TNFSF13B: variants seen among roughly 807,000 people sequenced by gnomAD.
TNFSF13B encodes the protein TNF superfamily member 13b.
TNFSF13B carries 8 observed loss-of-function variants against 29.1 expected under a neutral mutation model. The observed-to-expected ratio is 0.27, with a 90% CI of 0.16 to 0.50. The LOEUF (loss-of-function observed/expected upper bound fraction) is 0.50, where lower values mean the gene tolerates loss of function less well. Among genes scored for constraint, TNFSF13B ranks in the 20% least tolerant of loss-of-function variants. The pLI, the probability that TNFSF13B is intolerant of heterozygous loss-of-function variation, is 0.98. For missense variants in TNFSF13B, 248 were observed against 334.9 expected (o/e 0.74, Z 2.03); for synonymous variants, 125 against 130.8 (o/e 0.96, Z 0.30).
chr13:108,305,146 G>A (rs890918463), intron 5 of TNFSF13B, among the ~76,000 whole-genome samples: 1 of 152,074 alleles, frequency 6.6e-6, no homozygotes, highest in African/African-American at 2.4e-5. Context: ...GTAGCTTACT[G>A]TTGTATATGA....
chr13:108,305,700 T>C (rs1371267552), intron 5 of TNFSF13B, among the ~76,000 whole-genome samples: 1 of 152,100 alleles, frequency 6.6e-6, no homozygotes, highest in African/African-American at 2.4e-5. Context: ...TTCTTTTGCT[T>C]GTATTCTGTC....
chr13:108,303,927 A>C (rs1881699104), intron 5 of TNFSF13B, among the ~76,000 whole-genome samples: 1 of 152,308 alleles, frequency 6.6e-6, no homozygotes, highest in South Asian at 2.1e-4. Context: ...AAAAATTCTA[A>C]TGTATTTTCT....
intron 3 of TNFSF13B, among the ~76,000 whole-genome samples, chr13:108,299,110 T>C (rs1271393470): frequency 6.8e-6 from 1 of 146,450 alleles, no homozygotes; most frequent in African/African-American, 2.6e-5. Context: ...GTTCTTTAAA[T>C]CTTTTACATA....
intron 2 of TNFSF13B, among the ~76,000 whole-genome samples, chr13:108,273,846 C>T (rs377688078): frequency 2.6e-5 from 4 of 152,044 alleles, no homozygotes; most frequent in African/African-American, 9.7e-5. Context: ...TTATAGTTGA[C>T]CCTTGAACAA....
intron 2 of TNFSF13B, among the ~76,000 whole-genome samples, chr13:108,278,396 G>A (rs899855985): frequency 1.3e-5 from 2 of 151,946 alleles, no homozygotes; most frequent in Non-Finnish European, 2.9e-5. Flanking sequence ...AGGTTATGAG[G>A]ACAAGGTAGA....
intron 3 of TNFSF13B, among the ~76,000 whole-genome samples, chr13:108,299,275 A>G (rs1881544698): frequency 6.9e-6 from 1 of 145,536 alleles, no homozygotes; most frequent in Non-Finnish European, 1.5e-5. Context: ...ATCTTGTAAT[A>G]ATGACTTTAT....
At chr13:108,278,137 A>G (rs1237203791) in intron 2 of TNFSF13B, among the ~76,000 whole-genome samples, 1 of 152,152 alleles carries the variant, frequency 6.6e-6, no homozygotes. Flanking sequence ...ATAAATTCTG[A>G]TTTTTTTCAA....
At chr13:108,288,900 G>C (rs949848612) in intron 3 of TNFSF13B, among the ~76,000 whole-genome samples, 2 of 152,196 alleles carry the variant, frequency 1.3e-5, no homozygotes, top group Non-Finnish European at 2.9e-5. Flanking sequence ...ATGAATGTGA[G>C]TTGGCACTGG....
Position 108,303,317 on chromosome 13 carries a change from G to T in TNFSF13B, c.546G>T (p.Glu182Asp), listed in dbSNP as rs753767272. Residue 182 changes from glutamate (E) to aspartate (D), a missense_variant, in exon 4 of 6, where the codon GAG becomes GAT. This residue lies in a region of TNFSF13B where 62 missense variants were observed against 138.6 expected (regional missense o/e 0.45). Transcript: ENST00000375887. ...FKRGSALEEK[E>D]NKILVKETGY... ...GGGGAAGTGCCCTAGAAGAAAAAGAGAATAAAATATTGGTCAAAGAAACTG... is the reference window on the plus strand; with the variant it reads ...GGGGAAGTGCCCTAGAAGAAAAAGATAATAAAATATTGGTCAAAGAAACTG... 1 of 1,613,354 alleles carries T rather than the reference G, an allele frequency of 6.2e-7. No individual in the cohort carries two copies.
At chr13:108,295,352 T>C (rs1881434636) in intron 3 of TNFSF13B, among the ~76,000 whole-genome samples, 1 of 144,194 alleles carries the variant, frequency 6.9e-6, no homozygotes, top group Non-Finnish European at 1.5e-5. Context: ...TTTTATTTAT[T>C]TATTTATTTT....
intron 3 of TNFSF13B, among the ~76,000 whole-genome samples, chr13:108,293,537 A>G (rs1272658692): frequency 1.3e-5 from 2 of 152,192 alleles, no homozygotes; most frequent in African/African-American, 4.8e-5. Flanking sequence ...ATCTTAAACT[A>G]AATCTATCAA....
At chr13:108,306,788 A>G (rs376651823) in intron 5 of TNFSF13B, 38 bp from the exon 6 acceptor site, 19 of 1,199,194 alleles carry the variant, frequency 1.6e-5, no homozygotes, top group Non-Finnish European at 2.3e-5. Context: ...TTTCTGTTGT[A>G]TAACCACTTA....
At chr13:108,273,877 G>A (rs926721559) in intron 2 of TNFSF13B, among the ~76,000 whole-genome samples, 2 of 152,058 alleles carry the variant, frequency 1.3e-5, no homozygotes, top group African/African-American at 4.8e-5. Flanking sequence ...AACCGCGAGG[G>A]TCCCCTTGTA....
At chr13:108,273,086 A>G (rs1880665778) in intron 2 of TNFSF13B, among the ~76,000 whole-genome samples, 1 of 152,164 alleles carries the variant, frequency 6.6e-6, no homozygotes, top group East Asian at 1.9e-4. Context: ...CCAGATTTCC[A>G]CAGCCCAGAA....
chr13:108,296,957 TA>T (rs1431444984), intron 3 of TNFSF13B, among the ~76,000 whole-genome samples: 1 of 145,836 alleles, frequency 6.9e-6, no homozygotes, highest in Non-Finnish European at 1.5e-5. Flanking sequence ...GCCTTTTAAA[TA>T]GTATAGGAAA....
rs58093140 is a variant in TNFSF13B, at chr13:108,307,016, CAAAAAAAAAA to C, written c.*100_*109del. ...GAAGAAAGAATCTAACTGAAAATACCAAAAAAAAAAAAAAAAAAAAAAAAAAAAAAAGTAG... is the reference window on the plus strand; with the variant it reads ...GAAGAAAGAATCTAACTGAAAATACCAAAAAAAAAAAAAAAAAAAAAGTAG... On this transcript the variant is annotated 3_prime_UTR_variant, in exon 6 of 6. Transcript: ENST00000375887. The C allele has an allele frequency of 5.6e-4, 43 of 76,614 alleles. No individual in the cohort carries two copies. Among genetic ancestry groups the C allele is most frequent in the Non-Finnish European group, 6.3e-4 (26 of 40,950 alleles). The allele number at this position is 76,614 out of a possible 1,614,324, so 4.7% of individuals were successfully genotyped here.
chr13:108,291,517 A>G (rs1489597495), intron 3 of TNFSF13B, among the ~76,000 whole-genome samples: 1 of 151,870 alleles, frequency 6.6e-6, no homozygotes, highest in East Asian at 1.9e-4. Context: ...TTCTTTCATT[A>G]TATTTTCCAG....
At chr13:108,299,085 C>T (rs1881537343) in intron 3 of TNFSF13B, among the ~76,000 whole-genome samples, 1 of 146,270 alleles carries the variant, frequency 6.8e-6, no homozygotes, top group African/African-American at 2.6e-5. Context: ...CATGGAATAG[C>T]TCTCCATTTA....
At chr13:108,279,956 C>T (rs1362734404) in intron 2 of TNFSF13B, among the ~76,000 whole-genome samples, 7 of 151,914 alleles carry the variant, frequency 4.6e-5, no homozygotes, top group South Asian at 2.1e-4. Context: ...ATCAAATGCC[C>T]GGCCCGGGCA....
Sources: allele counts gnomAD v4.1 joint callset (sites outside exome capture counted in the v4.1 genomes callset), GRCh38; gene constraint gnomAD v4.1.1; regional missense constraint gnomAD v4.1.1; transcripts MANE v1.5; gene names NCBI Gene and HGNC (gene_info 2026-07-23, HGNC 2026-07-21).